The following KCNQ3 variants were observed in gnomAD, a reference collection of about 807,000 sequenced individuals.
KCNQ3 encodes the protein potassium voltage-gated channel subfamily Q member 3.
In KCNQ3, 30 loss-of-function variants were observed where a neutral mutation model predicts 92.5. The observed-to-expected ratio is 0.32, with a 90% CI of 0.24 to 0.44. The LOEUF (loss-of-function observed/expected upper bound fraction) is 0.44. Ranked by LOEUF, KCNQ3 falls within the 20% of genes least tolerant of loss-of-function variation. The pLI is 1.00. For missense variants in KCNQ3, 913 were observed against 1,140.3 expected (o/e 0.80, Z 2.87); for synonymous variants, 450 against 468.8 (o/e 0.96, Z 0.52).
chr8:132,154,284 T>A (rs1298646412), intron 9 of KCNQ3, among the ~76,000 whole-genome samples: 4 of 147,108 alleles, frequency 2.7e-5, no homozygotes, highest in African/African-American at 1.0e-4. Context: ...CCTGGGATTT[T>A]TGAGCTGTCC....
intron 1 of KCNQ3, among the ~76,000 whole-genome samples, chr8:132,245,814 A>G (rs1007199571): frequency 6.6e-6 from 1 of 152,230 alleles, no homozygotes; most frequent in Non-Finnish European, 1.5e-5. Flanking sequence ...ATCCTTGTAC[A>G]TGCCTTCCTA....
rs183570118 is a variant in KCNQ3, at chr8:132,418,507, C to T, written c.386+61640G>A. ...TTGCTAAATTTAAAAAGTAGATGGC[C>T]GGGCACAGTGGTTCACACCTGTAAT... is the stretch of plus-strand genomic sequence containing the variant. On this transcript the variant is annotated intron_variant, in intron 1 of 14. Transcript: ENST00000388996. Among the ~76,000 whole-genome samples the T allele has an allele frequency of 8.5e-5, 13 of 152,254 alleles. 1 individual carries two copies. The highest frequency in any genetic ancestry group is 5.2e-4 in the Admixed American group (8 of 15,290).
intron 1 of KCNQ3, among the ~76,000 whole-genome samples, chr8:132,318,876 T>A (rs749856193): frequency 2.6e-5 from 4 of 152,208 alleles, no homozygotes; most frequent in Non-Finnish European, 4.4e-5. Flanking sequence ...CTAGATCCCA[T>A]GACCTTGGAG....
At chr8:132,352,923 A>G (rs1386090529) in intron 1 of KCNQ3, among the ~76,000 whole-genome samples, 1 of 152,126 alleles carries the variant, frequency 6.6e-6, no homozygotes, top group Non-Finnish European at 1.5e-5. Flanking sequence ...GCTGGTTTGG[A>G]TTCATGGAAG....
At chr8:132,388,605 A>G (rs1470561490) in intron 1 of KCNQ3, among the ~76,000 whole-genome samples, 4 of 152,204 alleles carry the variant, frequency 2.6e-5, no homozygotes, top group Non-Finnish European at 5.9e-5. Flanking sequence ...TTTGTATATT[A>G]CAAAAAGAAA....
chr8:132,174,462 A>C, intron 5 of KCNQ3, 113 bp from the exon 6 acceptor site: 1 of 805,726 alleles, frequency 1.2e-6, no homozygotes, highest in South Asian at 1.5e-5. Flanking sequence ...GCTCCCATTC[A>C]TAACAAGGTT....
chr8:132,382,744 G>T (rs571905396), intron 1 of KCNQ3, among the ~76,000 whole-genome samples: 1 of 152,154 alleles, frequency 6.6e-6, no homozygotes, highest in Non-Finnish European at 1.5e-5. Flanking sequence ...TTGTGAATTG[G>T]GGAAGGGAAT....
At chr8:132,157,663 T>A (rs897935290) in intron 9 of KCNQ3, among the ~76,000 whole-genome samples, 3 of 152,210 alleles carry the variant, frequency 2.0e-5, no homozygotes, top group East Asian at 1.9e-4. Context: ...TTTATTTTTT[T>A]ATTTTTATTA....
intron 1 of KCNQ3, among the ~76,000 whole-genome samples, chr8:132,288,601 T>G (rs1295708697): frequency 1.3e-5 from 2 of 152,222 alleles, no homozygotes; most frequent in Non-Finnish European, 2.9e-5. Context: ...TATAGCTTTC[T>G]GACTCTCTGG....
intron 1 of KCNQ3, among the ~76,000 whole-genome samples, chr8:132,289,871 C>T (rs1469848222): frequency 6.6e-6 from 1 of 152,140 alleles, no homozygotes; most frequent in Non-Finnish European, 1.5e-5. Flanking sequence ...CTTATCCAAC[C>T]TGTGACTGCA....
chr8:132,139,334 C>A (rs1263704038), intron 11 of KCNQ3, among the ~76,000 whole-genome samples: 2 of 152,234 alleles, frequency 1.3e-5, no homozygotes, highest in Non-Finnish European at 2.9e-5. Flanking sequence ...TTTCATACAA[C>A]CACATTTCTG....
chr8:132,448,502 G>GAAAAAAAAAAAAAA, intron 1 of KCNQ3, among the ~76,000 whole-genome samples: 11 of 93,850 alleles, frequency 1.2e-4, no homozygotes, highest in African/African-American at 4.2e-4. Flanking sequence ...GGAGAAATAT[G>GAAAAAAAAAAAAAA]AAAAAAAAAA....
chr8:132,296,855 T>G lies in KCNQ3; in HGVS notation c.387-110674A>C, dbSNP rs575343261. ...AATAGTGCCGCAATAAACATACGTGTGCATGTGTCTTTATAGCAGCATGAT... is the reference window on the plus strand; with the variant it reads ...AATAGTGCCGCAATAAACATACGTGGGCATGTGTCTTTATAGCAGCATGAT... On this transcript the variant is annotated intron_variant, in intron 1 of 14. Coordinates refer to ENST00000388996, the MANE Select transcript of KCNQ3 (RefSeq NM_004519.4). 1.1e-4 allele frequency among the ~76,000 whole-genome samples: 17 copies of G among 152,144 alleles called. No individual in the cohort carries two copies. The South Asian group carries it at 2.9e-3, about 26-fold the overall frequency.
intron 1 of KCNQ3, among the ~76,000 whole-genome samples, chr8:132,433,135 A>C (rs1821295988): frequency 6.6e-6 from 1 of 152,166 alleles, no homozygotes. Context: ...ATTCTCCAGG[A>C]GGTTACCTCA....
intron 1 of KCNQ3, among the ~76,000 whole-genome samples, chr8:132,320,904 A>G (rs191859061): frequency 1.3e-5 from 2 of 152,182 alleles, no homozygotes. Flanking sequence ...TTTCACCCAC[A>G]GTCCTTAGGG....
At chr8:132,162,426 G>A (rs1450594522) in intron 9 of KCNQ3, among the ~76,000 whole-genome samples, 3 of 152,190 alleles carry the variant, frequency 2.0e-5, no homozygotes, top group Admixed American at 6.5e-5. Flanking sequence ...GGTGTGTGAT[G>A]TGGGATGAGC....
intron 1 of KCNQ3, among the ~76,000 whole-genome samples, chr8:132,372,792 A>T (rs1375328312): frequency 6.8e-6 from 1 of 146,656 alleles, no homozygotes; most frequent in Non-Finnish European, 1.5e-5. Context: ...AAACGCTTAG[A>T]GCAGAGCCCA....
intron 1 of KCNQ3, among the ~76,000 whole-genome samples, chr8:132,201,070 A>G (rs1045501984): frequency 2.6e-5 from 4 of 152,162 alleles, no homozygotes; most frequent in Admixed American, 1.3e-4. Context: ...GAGGGGGCCA[A>G]ACTCACATTT....
chr8:132,462,279 A>G (rs1822079657), intron 1 of KCNQ3, among the ~76,000 whole-genome samples: 1 of 151,830 alleles, frequency 6.6e-6, no homozygotes, highest in Non-Finnish European at 1.5e-5. Context: ...GCTCACTGCA[A>G]TCTCCGCCTC....
Sources: gnomAD v4.1 joint callset for allele counts (sites outside exome capture counted in the v4.1 genomes callset) on GRCh38, gnomAD v4.1.1 for gene constraint, MANE v1.5 for transcripts, NCBI Gene and HGNC (gene_info 2026-07-23, HGNC 2026-07-21) for gene names.